The following BRF1 variants were observed in gnomAD, a reference collection of about 807,000 sequenced individuals.
The protein encoded by BRF1 is BRF1 general transcription factor IIIB subunit.
A neutral mutation model predicts 81.7 loss-of-function variants in BRF1; 59 were observed. The ratio of observed to expected loss-of-function variants is 0.72; its 90% CI spans 0.59 to 0.90. BRF1 has a LOEUF of 0.90. Among genes scored for constraint, BRF1 ranks in the 40% least tolerant of loss-of-function variants. The probability of loss-of-function intolerance (pLI) is 0.00; values close to 1 mark genes in which losing one functional copy is unlikely to be tolerated. For synonymous variants in BRF1, 491 were observed against 395.6 expected (o/e 1.24, Z -2.86); for missense variants, 1,050 against 936.3 (o/e 1.12, Z -1.58).
Position 105,212,134 on chromosome 14 carries a change from T to C in BRF1, c.1803A>G (p.Ala601=), listed in dbSNP as rs764429837. The change falls in exon 16 of 18, where the codon GCA becomes GCG. Residue 601 remains alanine (A), a synonymous_variant. Coordinates refer to ENST00000547530, the MANE Select transcript of BRF1 (RefSeq NM_001519.4). ...RLRPLVSTQP[A]KKVATGEALL... is the part of the protein sequence containing the mutation. ...ACACCTCTCCCGTGGCCACCTTCTT[T>C]GCTGGCTGCGTAGACACCAGAGGCC... The C allele has an allele frequency of 2.5e-6, 4 of 1,612,820 alleles. No homozygotes were observed. In the East Asian group the frequency reaches 8.9e-5, roughly 36 times the overall value.
intron 3 of BRF1, among the ~76,000 whole-genome samples, chr14:105,266,287 C>T (rs935908662): frequency 6.6e-6 from 1 of 152,064 alleles, no homozygotes; most frequent in Non-Finnish European, 1.5e-5. Context: ...CTCTAGTGCA[C>T]CTATGGTCCC....
chr14:105,278,936 C>T (rs369159995), intron 2 of BRF1, among the ~76,000 whole-genome samples: 119 of 152,132 alleles, frequency 7.8e-4, no homozygotes, highest in African/African-American at 2.7e-3. Flanking sequence ...CCCAGCTACT[C>T]GGGAGGCTAA....
rs587698976 is a variant in BRF1 at position 105,229,309 on chromosome 14, G to GGTTC, written c.695-400_695-397dup. ...GAGGCCACAGCTGGCAGCTGACACA[G>GGTTC]GTTCACCAAGGCCACAGTGGGCCCA... On this transcript the variant is annotated intron_variant, in intron 6 of 17. Transcript: ENST00000547530. Among the ~76,000 whole-genome samples the GGTTC allele has an allele frequency of 2.6e-3, 398 of 152,346 alleles. 3 individuals carry two copies. The highest frequency in any genetic ancestry group is 8.6e-3 in the African/African-American group (359 of 41,590).
chr14:105,211,548 C>T (rs1890113479), intron 16 of BRF1: 1 of 521,586 alleles, frequency 1.9e-6, no homozygotes, highest in Non-Finnish European at 3.4e-6. Context: ...CTGGGCCCCA[C>T]CCCAGTGCTC....
chr14:105,270,368 G>A (rs1402742771), intron 3 of BRF1, among the ~76,000 whole-genome samples: 3 of 151,748 alleles, frequency 2.0e-5, no homozygotes, highest in Non-Finnish European at 4.4e-5. Flanking sequence ...GTACAGACGG[G>A]GTTTCATGGT....
At chr14:105,274,700 C>T (rs1359878469) in intron 2 of BRF1, among the ~76,000 whole-genome samples, 1 of 152,246 alleles carries the variant, frequency 6.6e-6, no homozygotes, top group Non-Finnish European at 1.5e-5. Flanking sequence ...TACAGGCCAA[C>T]CTCACTGCCC....
rs186629530 is a variant in BRF1, at chr14:105,280,319, C to T, written c.265+5977G>A. ...TGCACAGTGTGCAACTCCAGCTCTA[C>T]GACCACATGACCAAGCGCCGGTGAA... On this transcript the variant is annotated intron_variant, in intron 2 of 17. Transcript: ENST00000547530. Among the ~76,000 whole-genome samples the T allele has an allele frequency of 1.4e-3, 216 of 152,312 alleles. 1 individual carries two copies. Among genetic ancestry groups the T allele is most frequent in the Non-Finnish European group, 4.4e-4 (30 of 68,032 alleles).
At chr14:105,220,006 G>A (rs1172363972) in intron 12 of BRF1, 63 bp downstream of exon 12, 23 of 1,592,900 alleles carry the variant, frequency 1.4e-5, no homozygotes, top group Non-Finnish European at 1.9e-5. Context: ...ACCACTCAGG[G>A]CTCCTTGGGC....
upstream of BRF1, among the ~76,000 whole-genome samples, chr14:105,302,433 C>A (rs916950029): frequency 6.6e-6 from 1 of 151,912 alleles, no homozygotes; most frequent in Non-Finnish European, 1.5e-5. Flanking sequence ...GAACTCCCGA[C>A]CTCAGGTGAT....
chr14:105,288,594 G>A (rs949658510), intron 1 of BRF1, among the ~76,000 whole-genome samples: 12 of 151,844 alleles, frequency 7.9e-5, no homozygotes, highest in Non-Finnish European at 1.5e-4. Flanking sequence ...TTCAATACCA[G>A]CCTGGGCAAC....
rs913371243 is a variant in BRF1 at position 105,286,432 on chromosome 14, C to T, written c.185-56G>A. On this transcript the variant is annotated intron_variant, in intron 1 of 17. Coordinates refer to ENST00000547530, the MANE Select transcript of BRF1 (RefSeq NM_001519.4). ...AAACTTGGAGATCTGCATTTACAAC[C>T]CTTTCCTAACATCCACAGACACAAA... The T allele has an allele frequency of 2.0e-6, 3 of 1,525,618 alleles. No homozygotes were observed. The Admixed American group carries it at 5.6e-5, about 29-fold the overall frequency. 94.5% of individuals were successfully genotyped at this position (1,525,618 alleles called of 1,614,324 possible). A position where few individuals can be genotyped will look rare whatever the true frequency, so the allele number is the denominator to read the frequency against.
intron 10 of BRF1, among the ~76,000 whole-genome samples, chr14:105,225,413 G>A (rs1292553271): frequency 6.6e-6 from 1 of 152,086 alleles, no homozygotes; most frequent in Non-Finnish European, 1.5e-5. Flanking sequence ...CATTATACCC[G>A]CTTATACCCC....
intron 12 of BRF1, chr14:105,219,541 C>A: frequency 3.8e-6 from 2 of 521,718 alleles, no homozygotes; most frequent in Non-Finnish European, 6.7e-6. Context: ...CACAAAGGGG[C>A]CAAGTGAGGG....
intron 2 of BRF1, among the ~76,000 whole-genome samples, chr14:105,273,818 G>A (rs150295316): frequency 5.8e-4 from 89 of 152,326 alleles, no homozygotes; most frequent in African/African-American, 2.0e-3. Flanking sequence ...TATTGTCCAC[G>A]GTTTCTCCCC....
chr14:105,262,271 C>T (rs2056194888), intron 3 of BRF1, among the ~76,000 whole-genome samples: 1 of 152,212 alleles, frequency 6.6e-6, no homozygotes, highest in Admixed American at 6.5e-5. Flanking sequence ...CATGAGCAGC[C>T]CTGCCCTCCC....
intron 15 of BRF1, among the ~76,000 whole-genome samples, chr14:105,214,433 T>C (rs1017559659): frequency 3.4e-5 from 5 of 148,906 alleles, no homozygotes; most frequent in African/African-American, 1.3e-4. Context: ...CCCACACCCA[T>C]GCATGGCCCA....
chr14:105,217,744 GGCCTC>G lies in BRF1; in HGVS notation c.1567_1571del (p.Glu523HisfsTer17). 1 of 1,613,408 alleles carries G rather than the reference GGCCTC, an allele frequency of 6.2e-7. No individual in the cohort carries two copies. The highest frequency in any genetic ancestry group is 8.5e-7 in the Non-Finnish European group (1 of 1,180,016). On this transcript the variant is annotated frameshift_variant, in exon 15 of 18. Transcript: ENST00000547530. LOFTEE classifies it high-confidence loss of function. ...TCTTCTGCTCCAGCATCTTCTCGAT[GGCCTC>G]CCTGGCGGTACTGGCCTGAATTGGC...
At chr14:105,229,275 G>C (rs962944667) in intron 6 of BRF1, among the ~76,000 whole-genome samples, 1 of 152,248 alleles carries the variant, frequency 6.6e-6, no homozygotes, top group Non-Finnish European at 1.5e-5. Context: ...GGCTGGGCAG[G>C]AAAGGGGCGA....
At chr14:105,279,905 C>T (rs150773007) in intron 2 of BRF1, among the ~76,000 whole-genome samples, 2,927 of 152,326 alleles carry the variant, frequency 0.019, 43 homozygotes, top group Middle Eastern at 0.058. Context: ...CAAAACAGCA[C>T]GTTCTAGAAC....
Sources: gnomAD v4.1 joint callset for allele counts (sites outside exome capture counted in the v4.1 genomes callset) on GRCh38, gnomAD v4.1.1 for gene constraint, MANE v1.5 for transcripts, NCBI Gene and HGNC (gene_info 2026-07-23, HGNC 2026-07-21) for gene names.